The following KIAA1549 variants were observed in gnomAD, a reference collection of about 807,000 sequenced individuals.
KIAA1549 encodes KIAA1549.
In KIAA1549, 70 loss-of-function variants were observed where a neutral mutation model predicts 156.4. The ratio of observed to expected loss-of-function variants is 0.45; its 90% CI spans 0.37 to 0.55. KIAA1549 has a LOEUF of 0.55. KIAA1549 is among the 20% of genes least tolerant of loss of function. The probability of loss-of-function intolerance (pLI) is 0.00; values close to 1 mark genes in which losing one functional copy is unlikely to be tolerated. For missense variants in KIAA1549, 2,428 were observed against 2,540.9 expected (o/e 0.96, Z 0.96); for synonymous variants, 1,103 against 1,066.4 (o/e 1.03, Z -0.67).
rs1318350769 is a variant in KIAA1549, at chr7:138,833,500, C to T, written c.*4406G>A. The stretch of plus-strand genomic sequence containing the variant: ...CAAAGCCTTTAGCGCCTACCTTCAC[C>T]CGTGCTTTGCCTCACAGTCCGCATG... On this transcript the variant is annotated 3_prime_UTR_variant, in exon 20 of 20. Transcript: ENST00000422774. 2 of 232,548 alleles carry T rather than the reference C, an allele frequency of 8.6e-6. No homozygotes were observed. The highest frequency in any genetic ancestry group is 1.7e-5 in the Non-Finnish European group (2 of 117,694). The allele number at this position is 232,548 out of a possible 1,614,324, so 14.4% of individuals were successfully genotyped here.
chr7:138,880,909 C>T (rs981443455), intron 11 of KIAA1549, among the ~76,000 whole-genome samples: 7 of 152,148 alleles, frequency 4.6e-5, no homozygotes, highest in African/African-American at 7.2e-5. Context: ...ACAAAGCAAA[C>T]GCAGGAGGAT....
rs533338378 is a variant in KIAA1549 at position 138,919,425 on chromosome 7, C to T, written c.201G>A (p.Pro67=). 1.3e-4 allele frequency: 217 copies of T among 1,613,190 alleles called. 3 individuals are homozygous for T. The South Asian group carries it at 2.2e-3, about 16-fold the overall frequency. The change falls in exon 2 of 20, where the codon CCG becomes CCA. Residue 67 remains proline, a synonymous_variant. Coordinates refer to ENST00000422774, the MANE Select transcript of KIAA1549 (RefSeq NM_001164665.2). ...AGTATAAAGAAAGGTTGTGCTGTTCCGGAGAGAGCTCATCTATCAAGAAAA... is the reference window on the plus strand; with the variant it reads ...AGTATAAAGAAAGGTTGTGCTGTTCTGGAGAGAGCTCATCTATCAAGAAAA... The part of the protein sequence containing the change: ...PASCAPDELS[P]EQHNLSLYSM...
At chr7:138,926,639 G>A (rs1365844417) in intron 1 of KIAA1549, among the ~76,000 whole-genome samples, 4 of 152,072 alleles carry the variant, frequency 2.6e-5, no homozygotes, top group Admixed American at 1.3e-4. Flanking sequence ...TTTTAGTGCC[G>A]TTACAAAAAC....
intron 2 of KIAA1549, among the ~76,000 whole-genome samples, chr7:138,913,461 A>C (rs1000272163): frequency 6.6e-6 from 1 of 152,176 alleles, no homozygotes; most frequent in Non-Finnish European, 1.5e-5. Flanking sequence ...GTATTTAGTA[A>C]GCGTGTTCTT....
At chr7:138,930,646 C>G (rs1812842595) in intron 1 of KIAA1549, among the ~76,000 whole-genome samples, 1 of 152,200 alleles carries the variant, frequency 6.6e-6, no homozygotes, top group Admixed American at 6.5e-5. Context: ...CTTTTTCAGC[C>G]TTTAGAGGAT....
chr7:138,930,527 G>GAT (rs34095282), intron 1 of KIAA1549, among the ~76,000 whole-genome samples: 94 of 152,332 alleles, frequency 6.2e-4, no homozygotes, highest in Non-Finnish European at 1.1e-3. Flanking sequence ...AAATCCTCCG[G>GAT]ATAATTTGCT....
intron 18 of KIAA1549, among the ~76,000 whole-genome samples, chr7:138,840,725 C>T (rs1809891132): frequency 6.6e-6 from 1 of 152,146 alleles, no homozygotes; most frequent in Non-Finnish European, 1.5e-5. Context: ...CTCCTCTTTC[C>T]TGCGCACTTC....
intron 12 of KIAA1549, among the ~76,000 whole-genome samples, chr7:138,872,408 G>T (rs1810965917): frequency 1.4e-5 from 2 of 147,904 alleles, no homozygotes; most frequent in Admixed American, 6.7e-5. Flanking sequence ...AGACAGAAAA[G>T]AAACACTTAA....
At chr7:138,898,058 CA>C (rs1811737536) in intron 9 of KIAA1549, among the ~76,000 whole-genome samples, 2 of 151,988 alleles carry the variant, frequency 1.3e-5, no homozygotes, top group African/African-American at 4.8e-5. Flanking sequence ...GCAGTAATCC[CA>C]GCACTTTGGG....
chr7:138,875,207 T>C (rs1159012843), intron 12 of KIAA1549, among the ~76,000 whole-genome samples: 4 of 152,206 alleles, frequency 2.6e-5, no homozygotes, highest in Non-Finnish European at 4.4e-5. Context: ...TATTCATACA[T>C]GGAAATATCA....
chr7:138,916,096 A>T (rs1304045739), intron 2 of KIAA1549, among the ~76,000 whole-genome samples: 1 of 152,058 alleles, frequency 6.6e-6, no homozygotes, highest in Non-Finnish European at 1.5e-5. Context: ...GGACCCAAGG[A>T]GCATTTACAG....
intron 1 of KIAA1549, among the ~76,000 whole-genome samples, chr7:138,958,543 A>G (rs1357059674): frequency 6.6e-6 from 1 of 152,194 alleles, no homozygotes; most frequent in Non-Finnish European, 1.5e-5. Context: ...ATAACTTCCC[A>G]GCTGTAAAGT....
Position 138,873,708 on chromosome 7 carries a change from C to T in KIAA1549, c.4346-2346G>A, listed in dbSNP as rs144261877. On this transcript the variant is annotated intron_variant, in intron 12 of 19. Transcript: ENST00000422774. ...CTCCTGTCCAGAGCCCGGCTCACCC[C>T]CTCCCACTGTAGTCACGGCCCTTGC... 3.4e-4 allele frequency among the ~76,000 whole-genome samples: 51 copies of T among 152,000 alleles called. No individual in the cohort carries two copies. The East Asian group carries it at 9.5e-3, about 28-fold the overall frequency.
At chr7:138,863,530 C>T (rs1190008725) in intron 15 of KIAA1549, among the ~76,000 whole-genome samples, 1 of 152,046 alleles carries the variant, frequency 6.6e-6, no homozygotes. Flanking sequence ...CCACAGTCAA[C>T]CCACGGACAG....
chr7:138,895,170 G>A (rs1238608315), intron 9 of KIAA1549, among the ~76,000 whole-genome samples: 4 of 152,232 alleles, frequency 2.6e-5, no homozygotes, highest in Non-Finnish European at 5.9e-5. Flanking sequence ...TTAAGTCCTA[G>A]TGGGGGAAAG....
In KIAA1549 at chr7:138,871,300, C is replaced by G. The variant is rs1282353894; in HGVS notation, c.4408G>C (p.Asp1470His). ...HSSASIFEHV[D>H]RISRPPEASR... ...GCCTCCGGGGGGCGGGAGATCCTGT[C>G]CACGTGCTCGAAGATGGAGGCTGAT... is the stretch of plus-strand genomic sequence containing the variant. Residue 1470 changes from aspartate (D) to histidine (H), a missense_variant, in exon 13 of 20, where the codon GAC becomes CAC. Asp to His is a moderately conservative substitution (Grantham distance 81, BLOSUM62 -1). Coordinates refer to ENST00000422774, the MANE Select transcript of KIAA1549 (RefSeq NM_001164665.2). 1 of 1,606,670 alleles carries G rather than the reference C, an allele frequency of 6.2e-7. No homozygotes were observed. Among genetic ancestry groups the G allele is most frequent in the Admixed American group, 1.7e-5 (1 of 59,204 alleles).
chr7:138,905,952 C>T (rs781742977), intron 6 of KIAA1549, among the ~76,000 whole-genome samples: 3 of 152,184 alleles, frequency 2.0e-5, no homozygotes, highest in Non-Finnish European at 4.4e-5. Flanking sequence ...AAAACACTGC[C>T]TTCTGCTACC....
intron 1 of KIAA1549, among the ~76,000 whole-genome samples, chr7:138,942,986 T>C (rs1813228427): frequency 6.6e-6 from 1 of 151,338 alleles, no homozygotes; most frequent in African/African-American, 2.4e-5. Context: ...ACCAAAGACC[T>C]CTCTGCTGTC....
At chr7:138,891,826 G>A (rs1457538028) in intron 10 of KIAA1549, among the ~76,000 whole-genome samples, 1 of 152,208 alleles carries the variant, frequency 6.6e-6, no homozygotes, top group East Asian at 1.9e-4. Flanking sequence ...TGACATCTCT[G>A]CACATTACCC....
Sources: gnomAD v4.1 joint callset for allele counts (sites outside exome capture counted in the v4.1 genomes callset) on GRCh38, gnomAD v4.1.1 for gene constraint, MANE v1.5 for transcripts, NCBI Gene and HGNC (gene_info 2026-07-23, HGNC 2026-07-21) for gene names.